The following LMBR1 variants were observed in gnomAD, a reference collection of about 807,000 sequenced individuals.
LMBR1 encodes the protein limb development membrane protein 1, also known as limb region 1 protein homolog.
Under a neutral mutation model 73.9 loss-of-function variants are expected in LMBR1, and 52 were observed. The ratio of observed to expected loss-of-function variants is 0.70; its 90% CI spans 0.56 to 0.89. The LOEUF (loss-of-function observed/expected upper bound fraction) is 0.89, where lower values mean the gene tolerates loss of function less well. Among genes scored for constraint, LMBR1 ranks in the 40% least tolerant of loss-of-function variants. The pLI, the probability that LMBR1 is intolerant of heterozygous loss-of-function variation, is 0.00. For synonymous variants in LMBR1, 215 were observed against 209.4 expected (o/e 1.03, Z -0.23); for missense variants, 539 against 579.8 (o/e 0.93, Z 0.72).
intron 1 of LMBR1, among the ~76,000 whole-genome samples, chr7:156,853,983 A>AC (rs1165649421): frequency 1.3e-5 from 2 of 151,724 alleles, no homozygotes; most frequent in East Asian, 1.9e-4. Flanking sequence ...AAAAAAAAAA[A>AC]AAACCACCTA....
intron 4 of LMBR1, among the ~76,000 whole-genome samples, chr7:156,811,884 G>A (rs1833153608): frequency 6.6e-6 from 1 of 152,148 alleles, no homozygotes; most frequent in Non-Finnish European, 1.5e-5. Flanking sequence ...AGTCTCCAGG[G>A]AAGAATCCTT....
intron 15 of LMBR1, among the ~76,000 whole-genome samples, chr7:156,709,837 CA>C (rs1811699928): frequency 1.3e-5 from 2 of 150,466 alleles, no homozygotes; most frequent in African/African-American, 4.9e-5. Context: ...AGCTCCCTAG[CA>C]ATGGATCCAA....
At chr7:156,733,906 G>T (rs1329907480) in intron 10 of LMBR1, 4 of 257,794 alleles carry the variant, frequency 1.6e-5, no homozygotes, top group Non-Finnish European at 3.0e-5. Flanking sequence ...TGACTTGTTG[G>T]AAATAATGCA....
intron 5 of LMBR1, among the ~76,000 whole-genome samples, chr7:156,788,614 T>C (rs1350785881): frequency 7.3e-6 from 1 of 136,340 alleles, no homozygotes; most frequent in African/African-American, 2.7e-5. Context: ...TCTCAACATA[T>C]CTTGTTTTAA....
intron 15 of LMBR1, among the ~76,000 whole-genome samples, chr7:156,721,984 G>C (rs1009028258): frequency 1.3e-5 from 2 of 149,392 alleles, no homozygotes; most frequent in African/African-American, 2.5e-5. Context: ...CATGTCCATT[G>C]AACACTTTCA....
intron 1 of LMBR1, among the ~76,000 whole-genome samples, chr7:156,862,509 A>G (rs1254653141): frequency 2.0e-5 from 3 of 151,790 alleles, no homozygotes; most frequent in Non-Finnish European, 2.9e-5. Flanking sequence ...AAAAAAAAAA[A>G]CTAAGTGAAC....
rs551993830 is a variant in LMBR1, at chr7:156,702,372, T to G, written c.1226-14181A>C. On this transcript the variant is annotated intron_variant, in intron 15 of 16. Coordinates refer to ENST00000353442, the MANE Select transcript of LMBR1 (RefSeq NM_022458.4). ...GTTCTGATTTGCATTTCTCTAATGC[T>G]CAGTGATGTTGAGCTTTTTTTCATA... is the stretch of plus-strand genomic sequence containing the variant. 3.9e-5 allele frequency among the ~76,000 whole-genome samples: 6 copies of G among 152,346 alleles called. 1 individual carries two copies. The highest frequency in any genetic ancestry group is 1.4e-4 in the African/African-American group (6 of 41,582).
chr7:156,797,313 T>C (rs899347764), intron 4 of LMBR1, among the ~76,000 whole-genome samples: 1 of 152,190 alleles, frequency 6.6e-6, no homozygotes, highest in African/African-American at 2.4e-5. Context: ...CAGATCATAT[T>C]TTTTACAGGT....
At chr7:156,837,869 C>T (rs1365056994) in intron 1 of LMBR1, among the ~76,000 whole-genome samples, 1 of 151,054 alleles carries the variant, frequency 6.6e-6, no homozygotes, top group African/African-American at 2.4e-5. Flanking sequence ...TCATTGCAAC[C>T]TCCGCCTCCC....
intron 2 of LMBR1, 107 bp downstream of exon 2, chr7:156,836,706 G>T: frequency 3.2e-6 from 2 of 633,608 alleles, no homozygotes; most frequent in Non-Finnish European, 5.1e-6. Context: ...TCAATCACCG[G>T]CATATTCAAT....
At chr7:156,722,387 T>G (rs1814773498) in intron 15 of LMBR1, among the ~76,000 whole-genome samples, 1 of 152,186 alleles carries the variant, frequency 6.6e-6, no homozygotes, top group Non-Finnish European at 1.5e-5. Flanking sequence ...TTTATCTTCT[T>G]AAAATCAAAG....
intron 15 of LMBR1, among the ~76,000 whole-genome samples, chr7:156,704,894 G>A (rs964214860): frequency 6.6e-6 from 1 of 151,742 alleles, no homozygotes; most frequent in Non-Finnish European, 1.5e-5. Context: ...AATAATCCAG[G>A]CAGACAAAAA....
chr7:156,873,115 G>C (rs375743224), intron 1 of LMBR1, among the ~76,000 whole-genome samples: 3 of 152,156 alleles, frequency 2.0e-5, no homozygotes, highest in Non-Finnish European at 1.5e-5. Flanking sequence ...ATGAAGCCGC[G>C]GACTCTTGCG....
intron 15 of LMBR1, among the ~76,000 whole-genome samples, chr7:156,701,535 G>A (rs909433924): frequency 5.3e-5 from 8 of 152,176 alleles, no homozygotes; most frequent in Admixed American, 6.5e-5. Context: ...TATGAGAATG[G>A]CCAAAATCCA....
chr7:156,856,179 A>T (rs568663526), intron 1 of LMBR1, among the ~76,000 whole-genome samples: 6 of 152,162 alleles, frequency 3.9e-5, no homozygotes, highest in Non-Finnish European at 7.3e-5. Context: ...AGGGCGACAG[A>T]GCAAGACTCT....
At chr7:156,860,434 C>T (rs894019924) in intron 1 of LMBR1, among the ~76,000 whole-genome samples, 3 of 152,146 alleles carry the variant, frequency 2.0e-5, no homozygotes, top group African/African-American at 4.8e-5. Flanking sequence ...CCTCCCATGA[C>T]GTGAGAATTG....
chr7:156,889,919 G>A (rs576081606), intron 1 of LMBR1, among the ~76,000 whole-genome samples: 3 of 152,058 alleles, frequency 2.0e-5, no homozygotes, highest in Non-Finnish European at 4.4e-5. Flanking sequence ...TGGGAGGATC[G>A]CCTGAGCCTT....
At chr7:156,886,126 T>C (rs1240974787) in intron 1 of LMBR1, among the ~76,000 whole-genome samples, 3 of 151,992 alleles carry the variant, frequency 2.0e-5, no homozygotes, top group Non-Finnish European at 4.4e-5. Context: ...TAAGCCGTGT[T>C]TGTGCCACAG....
chr7:156,842,069 G>A (rs1310366976), intron 1 of LMBR1, among the ~76,000 whole-genome samples: 1 of 150,828 alleles, frequency 6.6e-6, no homozygotes, highest in Non-Finnish European at 1.5e-5. Context: ...GTAGTTACGT[G>A]TGGTGAAAGC....
Sources: gnomAD v4.1 joint callset for allele counts (sites outside exome capture counted in the v4.1 genomes callset) on GRCh38, gnomAD v4.1.1 for gene constraint, MANE v1.5 for transcripts, NCBI Gene and HGNC (gene_info 2026-07-23, HGNC 2026-07-21) for gene names.